INPP4B: variants seen among roughly 807,000 people sequenced by gnomAD.
INPP4B encodes inositol polyphosphate 4-phosphatase type II.
INPP4B carries 55 observed loss-of-function variants against 122.5 expected under a neutral mutation model. The observed-to-expected ratio is 0.45, with a 90% confidence interval of 0.36 to 0.56. The LOEUF is 0.56. Ranked by LOEUF, INPP4B falls within the 20% of genes least tolerant of loss-of-function variation. The probability of loss-of-function intolerance (pLI) is 0.00; values close to 1 mark genes in which losing one functional copy is unlikely to be tolerated. For synonymous variants in INPP4B, 403 were observed against 388.7 expected, an observed-to-expected ratio of 1.04 and a Z score of -0.43; for missense variants, 1,000 against 1,097.7, an observed-to-expected ratio of 0.91 and a Z score of 1.26.
intron 1 of INPP4B, among the ~76,000 whole-genome samples, chr4:142,794,497 C>G (rs756372723): frequency 9.9e-5 from 15 of 151,654 alleles, no homozygotes; most frequent in Non-Finnish European, 1.9e-4. Context: ...GACTAAAGAA[C>G]TAAGGGTAAA....
At chr4:142,437,701 C>T (rs1810834729) in intron 3 of INPP4B, among the ~76,000 whole-genome samples, 1 of 152,278 alleles carries the variant, frequency 6.6e-6, no homozygotes, top group African/African-American at 2.4e-5. Context: ...GATATCACCA[C>T]TGATCCCACA....
intron 7 of INPP4B, 105 bp downstream of exon 7, chr4:142,402,833 C>T: frequency 1.4e-6 from 1 of 730,736 alleles, no homozygotes; most frequent in South Asian, 1.5e-5. Context: ...CAATCATGAA[C>T]ACGGTGCAAA....
chr4:142,527,467 C>T (rs115814716), intron 2 of INPP4B, among the ~76,000 whole-genome samples: 7,079 of 152,026 alleles, frequency 0.047, 200 homozygotes, highest in South Asian at 0.061. Flanking sequence ...AACTGTTCTT[C>T]GATATGTTTG....
intron 2 of INPP4B, among the ~76,000 whole-genome samples, chr4:142,521,710 A>G (rs1560752024): frequency 6.6e-6 from 1 of 152,094 alleles, no homozygotes; most frequent in Non-Finnish European, 1.5e-5. Flanking sequence ...TTCGATTCAT[A>G]TATTTGTATT....
At chr4:142,481,063 A>C (rs1181467266) in intron 2 of INPP4B, among the ~76,000 whole-genome samples, 1 of 146,044 alleles carries the variant, frequency 6.8e-6, no homozygotes, top group Non-Finnish European at 1.5e-5. Flanking sequence ...TGAACTCTGG[A>C]GGCAGAGGTT....
At position 142,324,703 on chromosome 4, in the gene INPP4B, C is replaced by A. The variant is rs190078906; in HGVS notation, c.373-9941G>T. Among the ~76,000 whole-genome samples the A allele has an allele frequency of 2.0e-5, 3 of 152,248 alleles. No individual in the cohort carries two copies. The South Asian group carries it at 6.2e-4, about 32-fold the overall frequency. ...TCTCAGTGTCAACTCAGCACTCCCC[C>A]TAGGGCATCTCTTGCCTGTTGTCAG... On this transcript the variant is annotated intron_variant, in intron 7 of 25. Transcript: ENST00000262992.
At chr4:142,143,806 G>T (rs1178947815) in intron 18 of INPP4B, among the ~76,000 whole-genome samples, 1 of 151,840 alleles carries the variant, frequency 6.6e-6, no homozygotes, top group East Asian at 1.9e-4. Flanking sequence ...TAAAATAATG[G>T]CTTCTATTTT....
At chr4:142,159,901 G>C (rs1819242400) in intron 17 of INPP4B, among the ~76,000 whole-genome samples, 1 of 151,892 alleles carries the variant, frequency 6.6e-6, no homozygotes, top group Non-Finnish European at 1.5e-5. Context: ...GAGCGAGAGG[G>C]ATTTGCGAGA....
intron 25 of INPP4B, among the ~76,000 whole-genome samples, chr4:142,051,481 G>T (rs1292196641): frequency 6.6e-6 from 1 of 151,676 alleles, no homozygotes; most frequent in Non-Finnish European, 1.5e-5. Context: ...CTTGGGTGGT[G>T]GTTTCATCGG....
chr4:142,497,209 C>A (rs1424711489), intron 2 of INPP4B, among the ~76,000 whole-genome samples: 1 of 152,106 alleles, frequency 6.6e-6, no homozygotes, highest in Non-Finnish European at 1.5e-5. Flanking sequence ...CACGTCACAT[C>A]CCATTACTCT....
chr4:142,738,515 C>T (rs3113593), intron 1 of INPP4B, among the ~76,000 whole-genome samples: 43,866 of 151,648 alleles, frequency 0.29, 6,520 homozygotes, highest in South Asian at 0.37. Context: ...TGTTAAATGA[C>T]GAGTTAGTGG....
chr4:142,429,578 C>A (rs921713750), intron 4 of INPP4B, among the ~76,000 whole-genome samples: 7 of 152,004 alleles, frequency 4.6e-5, no homozygotes, highest in Non-Finnish European at 1.0e-4. Context: ...TACCAAAATA[C>A]TCTCTTAAAT....
intron 21 of INPP4B, among the ~76,000 whole-genome samples, chr4:142,114,925 C>A (rs147928071): frequency 6.6e-6 from 1 of 151,892 alleles, no homozygotes; most frequent in Non-Finnish European, 1.5e-5. Context: ...AAAGATTAGA[C>A]AAATGGTTAA....
At chr4:142,168,748 T>G (rs1286654302) in intron 16 of INPP4B, among the ~76,000 whole-genome samples, 1 of 151,618 alleles carries the variant, frequency 6.6e-6, no homozygotes, top group East Asian at 1.9e-4. Context: ...AGATTGGTAC[T>G]CATAAAGAGT....
At chr4:142,136,940 G>A (rs918796738) in intron 18 of INPP4B, among the ~76,000 whole-genome samples, 97 of 152,224 alleles carry the variant, frequency 6.4e-4, no homozygotes, top group African/African-American at 2.0e-3. Context: ...AATCAATATC[G>A]TGAAAATGGC....
chr4:142,117,181 AC>A (rs1278699832), intron 21 of INPP4B, among the ~76,000 whole-genome samples: 2 of 152,130 alleles, frequency 1.3e-5, no homozygotes, highest in Admixed American at 1.3e-4. Context: ...TAGTCTACCA[AC>A]CAAAAAAGTC....
intron 17 of INPP4B, among the ~76,000 whole-genome samples, chr4:142,146,246 G>T (rs1159140754): frequency 1.3e-5 from 2 of 152,026 alleles, no homozygotes; most frequent in East Asian, 3.9e-4. Flanking sequence ...AAGAAATGAT[G>T]ACCATCATAC....
At chr4:142,182,365 G>A (rs1831190306) in intron 15 of INPP4B, among the ~76,000 whole-genome samples, 1 of 151,846 alleles carries the variant, frequency 6.6e-6, no homozygotes, top group Admixed American at 6.6e-5. Context: ...TGGCTAACAC[G>A]GTGAAACCTC....
At chr4:142,622,526 C>G (rs1224837567) in intron 2 of INPP4B, among the ~76,000 whole-genome samples, 1 of 151,796 alleles carries the variant, frequency 6.6e-6, no homozygotes, top group Non-Finnish European at 1.5e-5. Context: ...AAATGAATAG[C>G]CTTAATGCAA....
Sources: allele counts gnomAD v4.1 joint callset (sites outside exome capture counted in the v4.1 genomes callset), GRCh38; gene constraint gnomAD v4.1.1; transcripts MANE v1.5; gene names NCBI Gene and HGNC (gene_info 2026-07-23, HGNC 2026-07-21).